The following HDAC2 variants were observed in gnomAD, a reference collection of about 807,000 sequenced individuals.
HDAC2 encodes histone deacetylase 2, also known as YY1-associated factor 1.
HDAC2 carries 5 observed loss-of-function variants against 68.5 expected under a neutral mutation model. The observed-to-expected ratio is 0.07, with a 90% CI of 0.04 to 0.15. HDAC2 has a LOEUF of 0.15. Ranked by LOEUF, HDAC2 falls within the 10% of genes least tolerant of loss-of-function variation. HDAC2 has a pLI of 1.00. For synonymous variants in HDAC2, 182 were observed against 191.3 expected (o/e 0.95, Z 0.40); for missense variants, 291 against 600.8 (o/e 0.48, Z 5.39).
chr6:113,967,606 T>C (rs1374713371), intron 1 of HDAC2, among the ~76,000 whole-genome samples: 1 of 152,226 alleles, frequency 6.6e-6, no homozygotes, highest in Non-Finnish European at 1.5e-5. Context: ...TATTATACTG[T>C]ATACACCATA....
intron 8 of HDAC2, chr6:113,947,723 G>T (rs1259361485): frequency 6.6e-6 from 1 of 152,066 alleles, no homozygotes; most frequent in Non-Finnish European, 1.5e-5. Context: ...AACCACTGTT[G>T]ACCTACAAAG....
rs905583882 is a variant in HDAC2, at chr6:113,965,090, T to G, written c.53-5072A>C. Among the ~76,000 whole-genome samples, 4 of 152,372 alleles carry G rather than the reference T, an allele frequency of 2.6e-5. No homozygotes were observed. The East Asian group carries it at 7.7e-4, about 29-fold the overall frequency. Reference sequence around the variant, plus strand: ...CCAATTATTTTGAGAGAATGCATTCTATTTGAGAAACTTTCAATGGCTTTC... The same window carrying G: ...CCAATTATTTTGAGAGAATGCATTCGATTTGAGAAACTTTCAATGGCTTTC... On this transcript the variant is annotated intron_variant, in intron 1 of 13. Coordinates refer to ENST00000519065, the MANE Select transcript of HDAC2 (RefSeq NM_001527.4).
chr6:113,940,036 CT>C lies in HDAC2; in HGVS notation c.*1021del, dbSNP rs1454377586. The stretch of plus-strand genomic sequence containing the variant: ...GCAAGTTCCTAAAATGTTTTGTCTT[CT>C]TTGCACATCTTAGTAGCAGGAGTTA... On this transcript the variant is annotated 3_prime_UTR_variant, in exon 14 of 14. Coordinates refer to ENST00000519065, the MANE Select transcript of HDAC2 (RefSeq NM_001527.4). 1 of 152,210 alleles carries C rather than the reference CT, an allele frequency of 6.6e-6. No individual in the cohort carries two copies. Among genetic ancestry groups the C allele is most frequent in the Non-Finnish European group, 1.5e-5 (1 of 68,018 alleles). The allele number at this position is 152,210 out of a possible 1,614,324, so 9.4% of individuals were successfully genotyped here.
chr6:113,956,495 A>T, intron 4 of HDAC2, 124 bp downstream of exon 4: 1 of 707,922 alleles, frequency 1.4e-6, no homozygotes, highest in South Asian at 1.7e-5. Context: ...TTTACTATAA[A>T]CATACTGATT....
At position 113,953,346 on chromosome 6, in the gene HDAC2, T is replaced by C. The variant is rs746155601; in HGVS notation, c.570A>G (p.Thr190=). The change falls in exon 6 of 14, where the codon ACA becomes ACG. Residue 190 remains threonine, a synonymous_variant. Coordinates refer to ENST00000519065, the MANE Select transcript of HDAC2 (RefSeq NM_001527.4). ...HGDGVEEAFY[T]TDRVMTVSFH... ...ATGATACCGTCATTACACGATCTGT[T>C]GTATAAAAAGCTTCTTCAACACCAT... 1.3e-6 allele frequency: 2 copies of C among 1,597,506 alleles called. No individual in the cohort carries two copies. The highest frequency in any genetic ancestry group is 4.5e-5 in the East Asian group (2 of 44,752).
intron 6 of HDAC2, 110 bp downstream of exon 6, chr6:113,953,167 C>T (rs1776462664): frequency 2.7e-6 from 2 of 754,268 alleles, no homozygotes; most frequent in Non-Finnish European, 2.1e-6. Flanking sequence ...TTCAATTCTG[C>T]ATACAAGTTT....
intron 9 of HDAC2, among the ~76,000 whole-genome samples, 191 bp from the exon 10 acceptor site, chr6:113,945,661 G>C (rs1776249038): frequency 6.6e-6 from 1 of 152,162 alleles, no homozygotes; most frequent in South Asian, 2.1e-4. Flanking sequence ...TCTATATACA[G>C]ACAGTCTCTG....
chr6:113,946,906 G>C (rs1776276349), intron 8 of HDAC2: 1 of 151,818 alleles, frequency 6.6e-6, no homozygotes, highest in African/African-American at 2.4e-5. Flanking sequence ...AATTAAAAAG[G>C]GACAATGAAA....
At position 113,970,875 on chromosome 6, in the gene HDAC2, C is replaced by T; in HGVS notation, c.34G>A (p.Val12Ile). 2 of 1,538,156 alleles carry T rather than the reference C, an allele frequency of 1.3e-6. No individual in the cohort carries two copies. The highest frequency in any genetic ancestry group is 1.8e-6 in the Non-Finnish European group (2 of 1,142,280). Reference protein sequence around the residue: ...AYSQGGGKKKVCYYYDGDIGN... With the variant: ...AYSQGGGKKKICYYYDGDIGN... ...CGCTCACCGTCGTAGTAGTAGCAGA[C>T]TTTTTTTTTGCCGCCTCCTTGACTG... Residue 12 changes from valine to isoleucine, a missense_variant, in exon 1 of 14, where the codon GTC becomes ATC. By Grantham distance (29) the Val-to-Ile change is conservative (BLOSUM62 3). Around this residue, in one of 2 missense-constraint regions of HDAC2, gnomAD observed 154 missense variants for 472.1 expected, o/e 0.33. Transcript: ENST00000519065.
intron 8 of HDAC2, chr6:113,947,356 G>A (rs1487264053): frequency 6.6e-6 from 1 of 152,092 alleles, no homozygotes; most frequent in Non-Finnish European, 1.5e-5. Context: ...CAAGGAGATG[G>A]AAAAGAGATA....
At chr6:113,966,091 G>A (rs1248606488) in intron 1 of HDAC2, among the ~76,000 whole-genome samples, 1 of 152,216 alleles carries the variant, frequency 6.6e-6, no homozygotes, top group African/African-American at 2.4e-5. Flanking sequence ...TAAAACTACA[G>A]TCAGTGTGGA....
At chr6:113,968,327 TACCTTA>T (rs1776875487) in intron 1 of HDAC2, 1 of 152,200 alleles carries the variant, frequency 6.6e-6, no homozygotes, top group African/African-American at 2.4e-5. Context: ...CCATGTTATA[TACCTTA>T]AAGTCACGAT....
chr6:113,937,453 C>T lies in HDAC2; in HGVS notation c.*3605G>A, dbSNP rs1776027425. ...CAGCATTCACCCATGCCATAGAGAA[C>T]TGAGACAATGTGGCACCTTCATTAA... On this transcript the variant is annotated 3_prime_UTR_variant, in exon 14 of 14. Coordinates refer to ENST00000519065, the MANE Select transcript of HDAC2 (RefSeq NM_001527.4). The T allele has an allele frequency of 6.6e-6, 1 of 152,224 alleles. No individual in the cohort carries two copies. The highest frequency in any genetic ancestry group is 2.4e-5 in the African/African-American group (1 of 41,456). The allele number at this position is 152,224 out of a possible 1,614,324, so 9.4% of individuals were successfully genotyped here. A position where few individuals can be genotyped will look rare whatever the true frequency, so the allele number is the denominator to read the frequency against.
At position 113,934,487 on chromosome 6, in the gene HDAC2, T is replaced by C. The variant is rs376625063; in HGVS notation, c.*6571A>G. The C allele has an allele frequency of 1.3e-5, 2 of 152,250 alleles. No homozygotes were observed. The highest frequency in any genetic ancestry group is 4.8e-5 in the African/African-American group (2 of 41,446). The allele number at this position is 152,250 out of a possible 1,614,324, so 9.4% of individuals were successfully genotyped here. On this transcript the variant is annotated 3_prime_UTR_variant, in exon 14 of 14. Coordinates refer to ENST00000519065, the MANE Select transcript of HDAC2 (RefSeq NM_001527.4). Reference sequence around the variant, plus strand: ...TACTTGTTGCTGCTCTAGATGATGATGGTGTTTTGAGGTCAGGTCGGAAGT... The same window carrying C: ...TACTTGTTGCTGCTCTAGATGATGACGGTGTTTTGAGGTCAGGTCGGAAGT...
chr6:113,952,970 A>G (rs1416402157), intron 6 of HDAC2, among the ~76,000 whole-genome samples: 1 of 152,222 alleles, frequency 6.6e-6, no homozygotes, highest in African/African-American at 2.4e-5. Flanking sequence ...AACGTAGGCT[A>G]CCATCAGGTA....
rs147097942 is a variant in HDAC2 at position 113,945,926 on chromosome 6, T to A, written c.982+82A>T. ...ATACTTTCAACTTATGATGGGTTTA[T>A]CAGGACCTAATTGCAACATAATTAG... is the stretch of plus-strand genomic sequence containing the variant. On this transcript the variant is annotated intron_variant, in intron 9 of 13. Coordinates refer to ENST00000519065, the MANE Select transcript of HDAC2 (RefSeq NM_001527.4). 7.4e-6 allele frequency: 8 copies of A among 1,074,034 alleles called. No individual in the cohort carries two copies. In the African/African-American group the frequency reaches 1.3e-4, roughly 17 times the overall value. 66.5% of individuals were successfully genotyped at this position (1,074,034 alleles called of 1,614,324 possible).
At chr6:113,967,521 C>G (rs1192414891) in intron 1 of HDAC2, among the ~76,000 whole-genome samples, 1 of 152,142 alleles carries the variant, frequency 6.6e-6, no homozygotes, top group African/African-American at 2.4e-5. Context: ...ACTGATTATG[C>G]ATCCCTCTCA....
intron 6 of HDAC2, among the ~76,000 whole-genome samples, chr6:113,950,946 TATTAAG>T (rs767767001): frequency 5.9e-5 from 9 of 152,270 alleles, no homozygotes; most frequent in South Asian, 2.1e-4. Context: ...TCTAAGTTTT[TATTAAG>T]ATTAACTAAA....
chr6:113,967,134 T>C (rs1453479495), intron 1 of HDAC2, among the ~76,000 whole-genome samples: 1 of 151,768 alleles, frequency 6.6e-6, no homozygotes, highest in African/African-American at 2.4e-5. Context: ...CGTTGGGAGG[T>C]ATCATCTTGG....
Sources: allele counts gnomAD v4.1 joint callset (sites outside exome capture counted in the v4.1 genomes callset), GRCh38; gene constraint gnomAD v4.1.1; regional missense constraint gnomAD v4.1.1; transcripts MANE v1.5; gene names NCBI Gene and HGNC (gene_info 2026-07-23, HGNC 2026-07-21).